PPFIA2: variants seen among roughly 807,000 people sequenced by gnomAD.
PPFIA2 encodes the protein PPFI scaffold protein A2.
A neutral mutation model predicts 175.5 loss-of-function variants in PPFIA2; 46 were observed. That is an observed-to-expected ratio of 0.26 (90% CI 0.21 to 0.34). The LOEUF (loss-of-function observed/expected upper bound fraction) is 0.34. PPFIA2 is among the 10% of genes least tolerant of loss of function. PPFIA2 has a pLI of 1.00. For synonymous variants in PPFIA2, 568 were observed against 511.4 expected (o/e 1.11, Z -1.49); for missense variants, 1,179 against 1,506.1 (o/e 0.78, Z 3.60).
chr12:81,649,948 T>C (rs971780095), intron 4 of PPFIA2, among the ~76,000 whole-genome samples: 5 of 152,174 alleles, frequency 3.3e-5, no homozygotes, highest in Admixed American at 6.5e-5. Context: ...CATATATTGA[T>C]TGTCATGGTG....
chr12:81,442,087 AT>A (rs1198836995), intron 6 of PPFIA2, among the ~76,000 whole-genome samples: 1 of 152,082 alleles, frequency 6.6e-6, no homozygotes, highest in Non-Finnish European at 1.5e-5. Flanking sequence ...CAAGTTAAGC[AT>A]TTATATTTTC....
intron 4 of PPFIA2, among the ~76,000 whole-genome samples, chr12:81,556,273 A>C (rs574737139): frequency 6.6e-6 from 1 of 152,078 alleles, no homozygotes; most frequent in South Asian, 2.1e-4. Flanking sequence ...TGGTCATTTT[A>C]CCAAAATTAA....
chr12:81,732,334 C>T (rs66465131), intron 3 of PPFIA2, among the ~76,000 whole-genome samples: 24,442 of 151,244 alleles, frequency 0.16, 2,043 homozygotes, highest in Middle Eastern at 0.23. Context: ...AAAAATACCG[C>T]ATAAAAGTTT....
At chr12:81,737,375 C>A (rs1307478103) in intron 3 of PPFIA2, among the ~76,000 whole-genome samples, 1 of 151,892 alleles carries the variant, frequency 6.6e-6, no homozygotes, top group Non-Finnish European at 1.5e-5. Flanking sequence ...GATGACAGAT[C>A]TTCCCAGGGA....
At chr12:81,520,604 A>G (rs754835642) in intron 4 of PPFIA2, among the ~76,000 whole-genome samples, 1 of 152,082 alleles carries the variant, frequency 6.6e-6, no homozygotes, top group Non-Finnish European at 1.5e-5. Flanking sequence ...GTCACCTACT[A>G]CATGTCAGGT....
chr12:81,475,139 A>G (rs923622343), intron 4 of PPFIA2, among the ~76,000 whole-genome samples: 1 of 152,190 alleles, frequency 6.6e-6, no homozygotes, highest in African/African-American at 2.4e-5. Context: ...ATTCTGTCAT[A>G]CAAACCTCTG....
At chr12:81,618,767 C>T (rs546130687) in intron 4 of PPFIA2, among the ~76,000 whole-genome samples, 20 of 151,852 alleles carry the variant, frequency 1.3e-4, no homozygotes, top group African/African-American at 4.6e-4. Flanking sequence ...CTCCTGACCT[C>T]GTGATCCACC....
chr12:81,730,481 A>G (rs2080733312), intron 3 of PPFIA2, among the ~76,000 whole-genome samples: 1 of 151,634 alleles, frequency 6.6e-6, no homozygotes. Context: ...CCAGATGCTT[A>G]TGAAACCATC....
rs1007411669 is a variant in PPFIA2, at chr12:81,683,898, G to A, written c.250-7054C>T. ...CCCCACCTATGGCAGAAGGCCAAGG[G>A]GAGCCAGCTGTGTGAAAGAGTGAGG... On this transcript the variant is annotated intron_variant, in intron 3 of 32. Transcript: ENST00000549396. 2.0e-5 allele frequency among the ~76,000 whole-genome samples: 3 copies of A among 152,072 alleles called. No homozygotes were observed. The South Asian group carries it at 6.2e-4, about 31-fold the overall frequency.
At chr12:81,290,685 T>C (rs925965777) in intron 24 of PPFIA2, among the ~76,000 whole-genome samples, 3 of 151,842 alleles carry the variant, frequency 2.0e-5, no homozygotes, top group Non-Finnish European at 4.4e-5. Context: ...ATTTTTAAAA[T>C]GTAAATTAAG....
At chr12:81,670,151 G>C (rs961196389) in intron 4 of PPFIA2, among the ~76,000 whole-genome samples, 1 of 151,870 alleles carries the variant, frequency 6.6e-6, no homozygotes, top group African/African-American at 2.4e-5. Flanking sequence ...AACTTGTTAT[G>C]TTTTAAATTC....
intron 4 of PPFIA2, among the ~76,000 whole-genome samples, chr12:81,464,784 C>T (rs933160192): frequency 6.6e-6 from 1 of 151,642 alleles, no homozygotes; most frequent in Non-Finnish European, 1.5e-5. Context: ...CATAGCCTAT[C>T]GGGCTACCCA....
In PPFIA2 at chr12:81,612,332, T is replaced by C. The variant is rs2061009107; in HGVS notation, c.303+64459A>G. On this transcript the variant is annotated intron_variant, in intron 4 of 32. Transcript: ENST00000549396. ...CTCACTCACTTGTTCAACAAATCAT[T>C]ATTGAGGAGCTATGATGTGCCAGAT... Among the ~76,000 whole-genome samples the C allele has an allele frequency of 2.0e-5, 3 of 152,110 alleles. No homozygotes were observed. In the South Asian group the frequency reaches 6.2e-4, roughly 32 times the overall value.
chr12:81,683,931 AG>A (rs1271072436), intron 3 of PPFIA2, among the ~76,000 whole-genome samples: 3 of 152,080 alleles, frequency 2.0e-5, no homozygotes, highest in Non-Finnish European at 4.4e-5. Flanking sequence ...AGGAGGTGCC[AG>A]GCTCTTTGTA....
At chr12:81,438,498 C>A in intron 7 of PPFIA2, among the ~76,000 whole-genome samples, 1 of 151,802 alleles carries the variant, frequency 6.6e-6, no homozygotes. Flanking sequence ...CAAAACAAAA[C>A]AAAACAAAAA....
intron 22 of PPFIA2, among the ~76,000 whole-genome samples, chr12:81,303,808 T>A (rs2048460505): frequency 6.6e-6 from 1 of 152,138 alleles, no homozygotes; most frequent in African/African-American, 2.4e-5. Context: ...AAAAGACCAA[T>A]AGGTTCTAGA....
intron 4 of PPFIA2, among the ~76,000 whole-genome samples, chr12:81,653,090 T>TA (rs1297596462): frequency 6.6e-6 from 1 of 152,166 alleles, no homozygotes; most frequent in Non-Finnish European, 1.5e-5. Flanking sequence ...TGAACTCCTG[T>TA]ATTAGCCTAG....
At chr12:81,334,298 A>G (rs748969814) in intron 21 of PPFIA2, among the ~76,000 whole-genome samples, 62 of 152,296 alleles carry the variant, frequency 4.1e-4, no homozygotes, top group Middle Eastern at 3.4e-3. Flanking sequence ...TTTTAAGTAT[A>G]AAGTTTGTAT....
At chr12:81,407,349 G>A (rs1413473711) in intron 7 of PPFIA2, among the ~76,000 whole-genome samples, 1 of 151,952 alleles carries the variant, frequency 6.6e-6, no homozygotes, top group Non-Finnish European at 1.5e-5. Flanking sequence ...CGGGCGTGAT[G>A]GTGGGCGCCT....
Sources: allele counts gnomAD v4.1 joint callset (sites outside exome capture counted in the v4.1 genomes callset), GRCh38; gene constraint gnomAD v4.1.1; transcripts MANE v1.5; gene names NCBI Gene and HGNC (gene_info 2026-07-23, HGNC 2026-07-21).